The following LILRA1 variants were observed in gnomAD, a reference collection of about 807,000 sequenced individuals.
The protein encoded by LILRA1 is leukocyte immunoglobulin-like receptor subfamily A member 1.
In LILRA1, 51 loss-of-function variants were observed where a neutral mutation model predicts 51.6. The observed-to-expected ratio is 0.99, with a 90% CI of 0.79 to 1.25. LILRA1 has a LOEUF of 1.25. Among genes scored for constraint, LILRA1 ranks in the 50% most tolerant of loss-of-function variants. LILRA1 has a pLI of 0.00. For synonymous variants in LILRA1, 305 were observed against 248.4 expected, an observed-to-expected ratio of 1.23 and a Z score of -2.14; for missense variants, 660 against 611.7, an observed-to-expected ratio of 1.08 and a Z score of -0.83.
At chr19:54,600,659 C>T in intron 9 of LILRA1, 40 bp from the exon 10 acceptor site, 2 of 1,613,048 alleles carry the variant, frequency 1.2e-6, no homozygotes, top group Non-Finnish European at 1.7e-6. Flanking sequence ...TGAAGTTGAT[C>T]TGCCCTGACC....
Position 54,600,737 on chromosome 19 carries a change from C to T in LILRA1, c.1390C>T (p.Arg464Cys), listed in dbSNP as rs139020313. ...PQDYTVENLI[R>C]MGIAGLVLVV... ...GGATTACACAGTGGAGAATCTCATC[C>T]GCATGGGCATAGCTGGCTTGGTCCT... Residue 464 changes from arginine to cysteine, a missense_variant, in exon 10 of 10, where the codon CGC becomes TGC. Coordinates refer to ENST00000251372, the MANE Select transcript of LILRA1 (RefSeq NM_006863.4). The T allele has an allele frequency of 7.9e-5, 128 of 1,614,048 alleles. No individual in the cohort carries two copies. In the East Asian group the frequency reaches 2.2e-3, roughly 27 times the overall value.
Position 54,594,658 on chromosome 19 carries a change from C to A in LILRA1, c.71-7C>A. The A allele has an allele frequency of 6.2e-7, 1 of 1,611,998 alleles. No individual in the cohort carries two copies. The highest frequency in any genetic ancestry group is 1.1e-5 in the South Asian group (1 of 90,934). On this transcript the variant is annotated splice_polypyrimidine_tract_variant and splice_region_variant and intron_variant, in intron 3 of 9. Transcript: ENST00000251372. The stretch of plus-strand genomic sequence containing the variant: ...GACTTAGAATCTGAACTCTGATTTC[C>A]TTCCAGGGACCCTCCCCAAGCCCAC...
chr19:54,599,707 G>T, intron 8 of LILRA1: 2 of 590,182 alleles, frequency 3.4e-6, no homozygotes. Flanking sequence ...AATATCTGAA[G>T]TTTTACATAT....
In LILRA1 at chr19:54,594,448, T is replaced by A; in HGVS notation, c.42T>A (p.Ser14Arg). 6.8e-7 allele frequency: 1 copy of A among 1,467,922 alleles called. No individual in the cohort carries two copies. The highest frequency in any genetic ancestry group is 2.1e-5 in the African/African-American group (1 of 47,664). 90.9% of individuals were successfully genotyped at this position (1,467,922 alleles called of 1,614,324 possible). ...CAGGGAACTCTCTTCCAGGGCTGAGTCTGGGCCCCCGGACCCACGTGCAGG... is the reference window on the plus strand; with the variant it reads ...CAGGGAACTCTCTTCCAGGGCTGAGACTGGGCCCCCGGACCCACGTGCAGG... Reference protein sequence around the residue: ...IVTVLICLRLSLGPRTHVQAG... With the variant: ...IVTVLICLRLRLGPRTHVQAG... Residue 14 changes from serine (S) to arginine (R), a missense_variant, in exon 3 of 10, where the codon AGT becomes AGA. Transcript: ENST00000251372.
rs143626334 is a variant in LILRA1 at position 54,600,246 on chromosome 19, G to A, written c.1313-266G>A. Among the ~76,000 whole-genome samples, 15 of 152,272 alleles carry A rather than the reference G, an allele frequency of 9.9e-5. No homozygotes were observed. The East Asian group carries it at 2.7e-3, about 27-fold the overall frequency. ...CTGCACAGACAGCGCACAGGGCTCA[G>A]TGACTTCTGTATTCCTTTGCAGATC... On this transcript the variant is annotated intron_variant, in intron 8 of 9. Transcript: ENST00000251372.
In LILRA1 at chr19:54,601,356, T is replaced by C. The variant is rs149000388; in HGVS notation, c.*539T>C. On this transcript the variant is annotated 3_prime_UTR_variant, in exon 10 of 10. Transcript: ENST00000251372. ...ACCCTCTCTGAACCCTACGAGCCCT[T>C]CCCTCCTTCTCACATGCTACCTGTG... 226 of 172,278 alleles carry C rather than the reference T, an allele frequency of 1.3e-3. No individual in the cohort carries two copies. Among genetic ancestry groups the C allele is most frequent in the African/African-American group, 4.9e-3 (206 of 41,788 alleles). The allele number at this position is 172,278 out of a possible 1,614,324, so 10.7% of individuals were successfully genotyped here.
At chr19:54,596,110 G>C in intron 6 of LILRA1, 79 bp from the exon 7 acceptor site, 1 of 1,550,580 alleles carries the variant, frequency 6.4e-7, no homozygotes, top group African/African-American at 1.4e-5. Context: ...TAGAGACTGA[G>C]GGTCCCAGAT....
rs775288518 is a variant in LILRA1 at position 54,599,278 on chromosome 19, C to T, written c.1304C>T (p.Ser435Phe). Reference sequence around the variant, plus strand: ...AGCCCACCACAAAACAAGTCCGATTCCAAGGCTGGTGAGTGAGGAGATGCT... The same window carrying T: ...AGCCCACCACAAAACAAGTCCGATTTCAAGGCTGGTGAGTGAGGAGATGCT... ...TLSPPQNKSDSKAGAANTLSP... is the reference protein window; with the variant it reads ...TLSPPQNKSDFKAGAANTLSP... Residue 435 changes from serine to phenylalanine, a missense_variant, in exon 8 of 10, where the codon TCC (serine) becomes TTC (phenylalanine). Ser to Phe is a radical substitution (Grantham distance 155). Coordinates refer to ENST00000251372, the MANE Select transcript of LILRA1 (RefSeq NM_006863.4). 1.9e-6 allele frequency: 3 copies of T among 1,571,022 alleles called. No homozygotes were observed. The highest frequency in any genetic ancestry group is 2.6e-6 in the Non-Finnish European group (3 of 1,153,564).
Position 54,595,925 on chromosome 19 carries a change from C to T in LILRA1, c.948C>T (p.Ile316=), listed in dbSNP as rs1291215442. The T allele has an allele frequency of 6.2e-7, 1 of 1,612,704 alleles. No individual in the cohort carries two copies. The highest frequency in any genetic ancestry group is 1.3e-5 in the African/African-American group (1 of 74,882). The change falls in exon 6 of 10, where the codon ATC becomes ATT. Residue 316 remains isoleucine, a synonymous_variant. Transcript: ENST00000251372. ...EWSAPSDPLD[I]LIAGQFRGRP... ...CGGCCCCCAGCGACCCCCTGGACAT[C>T]CTGATCGCAGGTGAGGAGCCCAGCG...
At chr19:54,598,804 A>AT (rs200572702) in intron 7 of LILRA1, among the ~76,000 whole-genome samples, 6 of 151,878 alleles carry the variant, frequency 4.0e-5, no homozygotes, top group East Asian at 1.9e-4. Flanking sequence ...ATTAAAAAAA[A>AT]TTTTTTTTGA....
In LILRA1 at chr19:54,595,259, G is replaced by A. The variant is rs534531456; in HGVS notation, c.518G>A (p.Arg173His). The change falls in exon 5 of 10, where the codon CGT becomes CAT. Residue 173 changes from arginine (R) to histidine (H), a missense_variant. By Grantham distance (29) the Arg-to-His change is conservative. Coordinates refer to ENST00000251372, the MANE Select transcript of LILRA1 (RefSeq NM_006863.4). ...CCACAATGCCTGAACTCACAGCCCC[G>A]TACCCATGGGTGGTCCCGGGCCATC... ...EHPQCLNSQP[R>H]THGWSRAIFS... The A allele has an allele frequency of 1.6e-5, 26 of 1,613,862 alleles. No individual in the cohort carries two copies. The highest frequency in any genetic ancestry group is 1.7e-4 in the Middle Eastern group (1 of 6,060).
At chr19:54,595,029 T>C in intron 4 of LILRA1, 71 bp from the exon 5 acceptor site, 1 of 1,602,040 alleles carries the variant, frequency 6.2e-7, no homozygotes, top group East Asian at 2.2e-5. Context: ...CATCTCCCTC[T>C]CACAGCCCAG....
At chr19:54,597,853 A>G (rs762403154) in intron 7 of LILRA1, among the ~76,000 whole-genome samples, 4 of 151,494 alleles carry the variant, frequency 2.6e-5, no homozygotes, top group Admixed American at 1.3e-4. Flanking sequence ...CGTGCTGTGA[A>G]TAATTCCCTA....
chr19:54,600,901 G>A lies in LILRA1; in HGVS notation c.*84G>A, dbSNP rs2063151984. 1.5e-5 allele frequency: 22 copies of A among 1,476,892 alleles called. No homozygotes were observed. The highest frequency in any genetic ancestry group is 1.7e-5 in the Non-Finnish European group (18 of 1,055,616). 91.5% of individuals were successfully genotyped at this position (1,476,892 alleles called of 1,614,324 possible). A position where few individuals can be genotyped will look rare whatever the true frequency, so the allele number is the denominator to read the frequency against. On this transcript the variant is annotated 3_prime_UTR_variant, in exon 10 of 10. Coordinates refer to ENST00000251372, the MANE Select transcript of LILRA1 (RefSeq NM_006863.4). ...TTGGGAACAGATCTGATGATGCCAGGAGGTTCCGGGAGACAATTTAGGGCT... is the reference window on the plus strand; with the variant it reads ...TTGGGAACAGATCTGATGATGCCAGAAGGTTCCGGGAGACAATTTAGGGCT...
intron 7 of LILRA1, among the ~76,000 whole-genome samples, chr19:54,597,935 G>A (rs1258752133): frequency 1.3e-5 from 2 of 151,624 alleles, no homozygotes; most frequent in African/African-American, 2.4e-5. Flanking sequence ...CACCAGGTGA[G>A]CACAGGAGGG....
Position 54,601,387 on chromosome 19 carries a change from T to G in LILRA1, c.*570T>G. ...CTTCTCACATGCTACCTGTGCAGCTTCTCCTTAGATCATTGTGTAACCATC... is the reference window on the plus strand; with the variant it reads ...CTTCTCACATGCTACCTGTGCAGCTGCTCCTTAGATCATTGTGTAACCATC... On this transcript the variant is annotated 3_prime_UTR_variant, in exon 10 of 10. Transcript: ENST00000251372. The G allele has an allele frequency of 6.0e-6, 1 of 167,976 alleles. No homozygotes were observed. 10.4% of individuals were successfully genotyped at this position (167,976 alleles called of 1,614,324 possible).
At position 54,595,711 on chromosome 19, in the gene LILRA1, A is replaced by G; in HGVS notation, c.734A>G (p.Gln245Arg). The G allele has an allele frequency of 1.2e-6, 2 of 1,614,042 alleles. No homozygotes were observed. Among genetic ancestry groups the G allele is most frequent in the South Asian group, 1.1e-5 (1 of 91,082 alleles). Residue 245 changes from glutamine (Q) to arginine (R), a missense_variant, in exon 6 of 10, where the codon CAG becomes CGG. Coordinates refer to ENST00000251372, the MANE Select transcript of LILRA1 (RefSeq NM_006863.4). ...IVAPGESLTL[Q>R]CVSDVSYDRF... ...GCCCCTGGGGAGAGCCTGACCCTCCAGTGTGTTTCTGATGTCAGCTACGAC... is the reference window on the plus strand; with the variant it reads ...GCCCCTGGGGAGAGCCTGACCCTCCGGTGTGTTTCTGATGTCAGCTACGAC...
rs576753300 is a variant in LILRA1, at chr19:54,600,882, A to G, written c.*65A>G. 2,260 of 1,576,810 alleles carry G rather than the reference A, an allele frequency of 1.4e-3. 8 individuals carry two copies. Among genetic ancestry groups the G allele is most frequent in the Middle Eastern group, 7.0e-3 (42 of 6,002 alleles). On this transcript the variant is annotated 3_prime_UTR_variant, in exon 10 of 10. Transcript: ENST00000251372. ...CCTTCAGAGTGGTGGAGCCTTGGGAACAGATCTGATGATGCCAGGAGGTTC... is the reference window on the plus strand; with the variant it reads ...CCTTCAGAGTGGTGGAGCCTTGGGAGCAGATCTGATGATGCCAGGAGGTTC...
chr19:54,594,184 T>G lies in LILRA1; in HGVS notation c.-48-13T>G. On this transcript the variant is annotated splice_polypyrimidine_tract_variant and intron_variant, in intron 1 of 9. Transcript: ENST00000251372. ...GGGAGGCTATTTCTCTCTGTGTGTC[T>G]CTGTCCTGCCAGCACCGAGGGCTCA... 6.2e-7 allele frequency: 1 copy of G among 1,610,976 alleles called. No individual in the cohort carries two copies. The highest frequency in any genetic ancestry group is 1.1e-5 in the South Asian group (1 of 90,830).
Sources: allele counts gnomAD v4.1 joint callset (sites outside exome capture counted in the v4.1 genomes callset), GRCh38; gene constraint gnomAD v4.1.1; transcripts MANE v1.5; gene names NCBI Gene and HGNC (gene_info 2026-07-23, HGNC 2026-07-21).